SYNGR1: variants seen among roughly 807,000 people sequenced by gnomAD.
SYNGR1 encodes the protein synaptogyrin-1.
Under a neutral mutation model 26.1 loss-of-function variants are expected in SYNGR1, and 14 were observed. The observed-to-expected ratio is 0.54, with a 90% CI of 0.35 to 0.84. The LOEUF (loss-of-function observed/expected upper bound fraction) is 0.84. SYNGR1 is among the 40% of genes least tolerant of loss of function. The pLI, the probability that SYNGR1 is intolerant of heterozygous loss-of-function variation, is 0.01. For missense variants in SYNGR1, 319 were observed against 332.9 expected (o/e 0.96, Z 0.33); for synonymous variants, 141 against 150.1 (o/e 0.94, Z 0.44).
chr22:39,365,901 T>A (rs1924728249), intron 1 of SYNGR1, among the ~76,000 whole-genome samples: 1 of 151,898 alleles, frequency 6.6e-6, no homozygotes, highest in African/African-American at 2.4e-5. Context: ...TTTCATCATG[T>A]TGGTCAGGCT....
intron 1 of SYNGR1, among the ~76,000 whole-genome samples, chr22:39,370,147 T>C (rs1429573374): frequency 6.6e-6 from 1 of 151,996 alleles, no homozygotes; most frequent in Non-Finnish European, 1.5e-5. Flanking sequence ...TTTGTTTTGT[T>C]TTGTTTTGAG....
At chr22:39,377,877 A>G (rs1230435933) in intron 3 of SYNGR1, 1 of 1,474,848 alleles carries the variant, frequency 6.8e-7, no homozygotes, top group African/African-American at 1.4e-5. Context: ...TTGATTCTTC[A>G]TGCGTTCATT....
At position 39,374,541 on chromosome 22, in the gene SYNGR1, A is replaced by G; in HGVS notation, c.325A>G (p.Ile109Val). Residue 109 changes from isoleucine to valine, a missense_variant, in exon 2 of 4, where the codon ATC becomes GTC. Coordinates refer to ENST00000328933, the MANE Select transcript of SYNGR1 (RefSeq NM_004711.5). ...CCGCAAGAAAGCCGTCCTGTCCGACATCGGTGTCTCGGGTGAGCCCCACCC... is the reference window on the plus strand; with the variant it reads ...CCGCAAGAAAGCCGTCCTGTCCGACGTCGGTGTCTCGGGTGAGCCCCACCC... Reference protein sequence around the residue: ...KDRKKAVLSDIGVSAFWAFLW... With the variant: ...KDRKKAVLSDVGVSAFWAFLW... 1.2e-6 allele frequency: 2 copies of G among 1,613,228 alleles called. No individual in the cohort carries two copies. The highest frequency in any genetic ancestry group is 1.7e-4 in the Middle Eastern group (1 of 6,058).
Position 39,383,060 on chromosome 22 carries a change from G to A in SYNGR1, c.*1146G>A, listed in dbSNP as rs553643708. 1.3e-5 allele frequency: 2 copies of A among 152,438 alleles called. No individual in the cohort carries two copies. Among genetic ancestry groups the A allele is most frequent in the Admixed American group, 6.5e-5 (1 of 15,298 alleles). The allele number at this position is 152,438 out of a possible 1,614,324, so 9.4% of individuals were successfully genotyped here. On this transcript the variant is annotated 3_prime_UTR_variant, in exon 4 of 4. Coordinates refer to ENST00000328933, the MANE Select transcript of SYNGR1 (RefSeq NM_004711.5). ...GCCCCAGCTGCCCAGCAGGTGCCTC[G>A]ATTCCCTGCCCTTGTGACCTCCCAG...
In SYNGR1 at chr22:39,350,239, G is replaced by A. The variant is rs985994119; in HGVS notation, c.99+130G>A. On this transcript the variant is annotated intron_variant, in intron 1 of 3. Coordinates refer to ENST00000328933, the MANE Select transcript of SYNGR1 (RefSeq NM_004711.5). This position sits in a 1 kb window ranked among gnomAD's most constrained non-coding sequence, Gnocchi z 4.3. ...GCGGCGGCGCGGCGGCGGGCGAGGA[G>A]CTGTCCTGCCTGCGGGGCCCGCTGC... 1.3e-4 allele frequency: 67 copies of A among 511,144 alleles called. No individual in the cohort carries two copies. The highest frequency in any genetic ancestry group is 1.6e-4 in the Non-Finnish European group (58 of 367,340). 31.7% of individuals were successfully genotyped at this position (511,144 alleles called of 1,614,324 possible).
chr22:39,362,840 C>T (rs1016334186), intron 1 of SYNGR1, among the ~76,000 whole-genome samples: 162 of 152,160 alleles, frequency 1.1e-3, no homozygotes, highest in Non-Finnish European at 1.6e-3. Flanking sequence ...GCTGCCTGGC[C>T]CTCTCTGACT....
At chr22:39,354,505 T>C (rs1390099650) in intron 1 of SYNGR1, among the ~76,000 whole-genome samples, 2 of 152,022 alleles carry the variant, frequency 1.3e-5, no homozygotes, top group African/African-American at 2.4e-5. Flanking sequence ...ATTCACCCCC[T>C]CCACTCCACC....
rs1925505857 is a variant in SYNGR1, at chr22:39,381,775, C to G, written c.563C>G (p.Pro188Arg). 12 of 1,613,072 alleles carry G rather than the reference C, an allele frequency of 7.4e-6. No individual in the cohort carries two copies. The highest frequency in any genetic ancestry group is 1.0e-5 in the Non-Finnish European group (12 of 1,179,954). The change falls in exon 4 of 4, where the codon CCC becomes CGC. Residue 188 changes from proline to arginine, a missense_variant. Coordinates refer to ENST00000328933, the MANE Select transcript of SYNGR1 (RefSeq NM_004711.5). ...SALFSQDYMD[P>R]SQDSSMPYAP... is the part of the protein sequence containing the mutation. Reference sequence around the variant, plus strand: ...CTCTTCTCCCAGGACTACATGGACCCCAGCCAGGACTCCAGCATGCCTTAC... The same window carrying G: ...CTCTTCTCCCAGGACTACATGGACCGCAGCCAGGACTCCAGCATGCCTTAC...
At chr22:39,377,172 C>T in intron 3 of SYNGR1, 2 of 1,465,378 alleles carry the variant, frequency 1.4e-6, no homozygotes, top group South Asian at 1.4e-5. Flanking sequence ...CTGTTTCCCC[C>T]ATCCTTCTGG....
At position 39,374,336 on chromosome 22, in the gene SYNGR1, C is replaced by A; in HGVS notation, c.120C>A (p.Phe40Leu). 1 of 1,613,946 alleles carries A rather than the reference C, an allele frequency of 6.2e-7. No homozygotes were observed. The highest frequency in any genetic ancestry group is 8.5e-7 in the Non-Finnish European group (1 of 1,180,018). Residue 40 changes from phenylalanine (F) to leucine (L), a missense_variant, in exon 2 of 4, where the codon TTC becomes TTA. Phe to Leu is a conservative substitution (Grantham distance 22). Transcript: ENST00000328933. ...VVSWLFSIVVFGSIVNEGYLN... is the reference protein window; with the variant it reads ...VVSWLFSIVVLGSIVNEGYLN... ...GACAGCTGTTCTCCATAGTGGTGTT[C>A]GGCTCCATCGTGAACGAGGGCTACC...
intron 1 of SYNGR1, among the ~76,000 whole-genome samples, chr22:39,372,108 G>A (rs1925048662): frequency 6.7e-6 from 1 of 149,648 alleles, no homozygotes; most frequent in African/African-American, 2.5e-5. Flanking sequence ...AGGCTCAACT[G>A]AGGGTAGATC....
In SYNGR1 at chr22:39,381,837, G is replaced by C; in HGVS notation, c.625G>C (p.Gly209Arg). 6.2e-7 allele frequency: 1 copy of C among 1,612,938 alleles called. No homozygotes were observed. The highest frequency in any genetic ancestry group is 1.1e-5 in the South Asian group (1 of 91,064). Residue 209 changes from glycine to arginine, a missense_variant, in exon 4 of 4, where the codon GGT becomes CGT. Physicochemically the swap from Gly to Arg is moderately radical, Grantham distance 125. Coordinates refer to ENST00000328933, the MANE Select transcript of SYNGR1 (RefSeq NM_004711.5). ...GGAGCCCACTGGGCCGGATCCCGCCGGTATGGGCGGCACCTACCAGCAGCC... is the reference window on the plus strand; with the variant it reads ...GGAGCCCACTGGGCCGGATCCCGCCCGTATGGGCGGCACCTACCAGCAGCC... ...YVEPTGPDPAGMGGTYQQPAN... is the reference protein window; with the variant it reads ...YVEPTGPDPARMGGTYQQPAN...
intron 1 of SYNGR1, among the ~76,000 whole-genome samples, chr22:39,364,625 G>A (rs1924645412): frequency 6.6e-6 from 1 of 152,146 alleles, no homozygotes; most frequent in East Asian, 1.9e-4. Flanking sequence ...GCGTTCAGAG[G>A]GCAAAGAGGA....
intron 3 of SYNGR1, chr22:39,380,044 C>T (rs1346174044): frequency 2.0e-5 from 3 of 151,870 alleles, no homozygotes; most frequent in African/African-American, 7.3e-5. Context: ...TAAACTTTGA[C>T]TTAGCTCAGT....
chr22:39,376,270 C>G, intron 3 of SYNGR1, 73 bp downstream of exon 3: 4 of 1,610,284 alleles, frequency 2.5e-6, no homozygotes, highest in Non-Finnish European at 3.4e-6. Flanking sequence ...GGTGGCCTTT[C>G]GCTAGCCTGG....
At chr22:39,356,772 C>G (rs1049010103) in intron 1 of SYNGR1, among the ~76,000 whole-genome samples, 1 of 152,204 alleles carries the variant, frequency 6.6e-6, no homozygotes, top group African/African-American at 2.4e-5. Flanking sequence ...TCTGCACCCT[C>G]TCTGCCAGTG....
chr22:39,364,296 G>A (rs1311443656), intron 1 of SYNGR1: 3 of 1,612,052 alleles, frequency 1.9e-6, no homozygotes, highest in East Asian at 2.2e-5. Context: ...CCGGATGTGA[G>A]GCAGGTTCCC....
chr22:39,367,087 G>C (rs1419676719), intron 1 of SYNGR1, among the ~76,000 whole-genome samples: 2 of 152,212 alleles, frequency 1.3e-5, no homozygotes, highest in Non-Finnish European at 2.9e-5. Flanking sequence ...CTGCATCAGA[G>C]GCCTCCCTGG....
chr22:39,380,911 G>A (rs970495366), intron 3 of SYNGR1, among the ~76,000 whole-genome samples: 2 of 151,874 alleles, frequency 1.3e-5, no homozygotes, highest in African/African-American at 2.4e-5. Context: ...ATGAGTTGTC[G>A]CGCCTGGCCT....
Sources: allele counts gnomAD v4.1 joint callset (sites outside exome capture counted in the v4.1 genomes callset), GRCh38; gene constraint gnomAD v4.1.1; non-coding constraint Gnocchi (gnomAD v3.1); transcripts MANE v1.5; gene names NCBI Gene and HGNC (gene_info 2026-07-23, HGNC 2026-07-21).